Variants in PLPPR3 observed in about 807,000 individuals in gnomAD.
PLPPR3 encodes phospholipid phosphatase-related protein type 3.
In PLPPR3, 14 loss-of-function variants were observed where a neutral mutation model predicts 27.3. The observed-to-expected ratio is 0.51, with a 90% CI of 0.34 to 0.80. The LOEUF (loss-of-function observed/expected upper bound fraction) is 0.80, where lower values mean the gene tolerates loss of function less well. Among genes scored for constraint, PLPPR3 ranks in the 30% least tolerant of loss-of-function variants. PLPPR3 has a pLI of 0.01. For missense variants in PLPPR3, 1,287 were observed against 1,056.9 expected (o/e 1.22, Z -3.02); for synonymous variants, 671 against 508.0 (o/e 1.32, Z -4.32).
At chr19:819,936 G>A (rs561146129) in intron 2 of PLPPR3, among the ~76,000 whole-genome samples, 22 of 152,036 alleles carry the variant, frequency 1.4e-4, no homozygotes, top group African/African-American at 4.1e-4. Flanking sequence ...CCGCCACCTG[G>A]GCTCAAGTCA....
Position 813,721 on chromosome 19 carries a change from G to C in PLPPR3, c.1006C>G (p.Pro336Ala). 1 of 1,525,958 alleles carries C rather than the reference G, an allele frequency of 6.6e-7. No individual in the cohort carries two copies. The highest frequency in any genetic ancestry group is 8.8e-7 in the Non-Finnish European group (1 of 1,142,326). 94.5% of individuals were successfully genotyped at this position (1,525,958 alleles called of 1,614,324 possible). A position where few individuals can be genotyped will look rare whatever the true frequency, so the allele number is the denominator to read the frequency against. ...GTCTTCTCGCGGGCCACGGGCCGGG[G>C]CGCGCCCTCCAGCCGCCCTGGGGGC... ...LGPPGRLEGA[P>A]RPVAREKTSL... The change falls in exon 8 of 8, where the codon CCC (proline) becomes GCC (alanine). Residue 336 changes from proline (P) to alanine (A), a missense_variant. Transcript: ENST00000520876. The surrounding 1 kb of genome is among the most constrained non-coding windows in gnomAD (Gnocchi z 4.1).
rs370868606 is a variant in PLPPR3 at position 815,100 on chromosome 19, G to A, written c.404-19C>T. On this transcript the variant is annotated intron_variant, in intron 4 of 7. Coordinates refer to ENST00000520876, the MANE Select transcript of PLPPR3 (RefSeq NM_001270366.2). ...TGGACACCTGCAGGGCGGAAGGCTC[G>A]GCCAGGCGGGGAGCTGGGGACCCGG... 1.0e-5 allele frequency: 16 copies of A among 1,601,494 alleles called. No homozygotes were observed. The highest frequency in any genetic ancestry group is 2.2e-5 in the South Asian group (2 of 90,944).
In PLPPR3 at chr19:812,648, CA is replaced by C; in HGVS notation, c.2078del (p.Leu693ArgfsTer49). Reference protein sequence around the residue: ...ESTLRRHAGGLGLAEREAEAE... With the variant: ...ESTLRRHAGGXGLAEREAEAE... ...CCTCCGCCTCGCGCTCCGCCAGCCC[CA>C]GGCCGCCCGCGTGGCGCCGCAGCGT... On this transcript the variant is annotated frameshift_variant, in exon 8 of 8. Transcript: ENST00000520876. LOFTEE classifies it low-confidence loss of function (END_TRUNC). 9.2e-7 allele frequency: 1 copy of C among 1,086,060 alleles called. No individual in the cohort carries two copies. Among genetic ancestry groups the C allele is most frequent in the Non-Finnish European group, 1.1e-6 (1 of 889,288 alleles). The allele number at this position is 1,086,060 out of a possible 1,614,324, so 67.3% of individuals were successfully genotyped here. A position where few individuals can be genotyped will look rare whatever the true frequency, so the allele number is the denominator to read the frequency against.
intron 2 of PLPPR3, among the ~76,000 whole-genome samples, chr19:819,510 G>C (rs915324111): frequency 2.7e-5 from 4 of 150,474 alleles, no homozygotes; most frequent in African/African-American, 9.8e-5. Flanking sequence ...GGCTGGTCTC[G>C]AACTCCTGAC....
At position 815,277 on chromosome 19, in the gene PLPPR3, G is replaced by T. The variant is rs1417468507; in HGVS notation, c.312C>A (p.Gly104=). 6.4e-7 allele frequency: 1 copy of T among 1,555,342 alleles called. No homozygotes were observed. Among genetic ancestry groups the T allele is most frequent in the East Asian group, 2.4e-5 (1 of 41,166 alleles). Residue 104 remains glycine, a synonymous_variant, in exon 4 of 8, where the codon GGC becomes GGA. Transcript: ENST00000520876. ...CCGCCCCGGCGGGCCCCCCGGCACG[G>T]CCCCACAGCCGGGACTGCAGACAGT... ...MLYCLQSRLW[G]RAGGPAGAEG... is the part of the protein sequence containing the mutation.
intron 3 of PLPPR3, 44 bp from the exon 4 acceptor site, chr19:815,371 A>AG (rs2035035488): frequency 1.3e-6 from 2 of 1,501,510 alleles, no homozygotes; most frequent in Non-Finnish European, 1.8e-6. Context: ...GCCCACAGGG[A>AG]GGGGGCGCTC....
Position 812,541 on chromosome 19 carries a change from G to GCCCC in PLPPR3, c.*25_*28dup. The GCCCC allele has an allele frequency of 1.6e-6, 1 of 617,396 alleles. No homozygotes were observed. Among genetic ancestry groups the GCCCC allele is most frequent in the Non-Finnish European group, 2.0e-6 (1 of 496,530 alleles). The allele number at this position is 617,396 out of a possible 1,614,324, so 38.2% of individuals were successfully genotyped here. A position where few individuals can be genotyped will look rare whatever the true frequency, so the allele number is the denominator to read the frequency against. On this transcript the variant is annotated 3_prime_UTR_variant, in exon 8 of 8. Coordinates refer to ENST00000520876, the MANE Select transcript of PLPPR3 (RefSeq NM_001270366.2). ...GCGCGGCCGCCCGCGCCCTCGGCCCGCCCCCCGCCCGCCCCCGGCCCCGCC... is the reference window on the plus strand; with the variant it reads ...GCGCGGCCGCCCGCGCCCTCGGCCCGCCCCCCCCCCGCCCGCCCCCGGCCCCGCC...
At chr19:814,314 C>T in intron 7 of PLPPR3, 120 bp downstream of exon 7, 1 of 991,138 alleles carries the variant, frequency 1.0e-6, no homozygotes, top group Non-Finnish European at 1.5e-6. Context: ...ACCCCCTGAG[C>T]CTGCCTCCCA....
At chr19:814,153 G>A (rs993604105) in intron 7 of PLPPR3, among the ~76,000 whole-genome samples, 6 of 150,272 alleles carry the variant, frequency 4.0e-5, no homozygotes, top group African/African-American at 1.2e-4. Context: ...CGGGACCCAC[G>A]TCTATCCCCT....
intron 3 of PLPPR3, 43 bp downstream of exon 3, chr19:815,623 G>A (rs530582934): frequency 7.2e-6 from 11 of 1,525,094 alleles, no homozygotes; most frequent in East Asian, 2.5e-5. Context: ...GCTCCCAGCC[G>A]TGGTGCCCAC....
chr19:812,709 G>T lies in PLPPR3; in HGVS notation c.2018C>A (p.Ala673Asp). ...TGEGLPPLGA[A>D]DGALGPGSRE... ...GCTGCCCGGGCCCAGCGCCCCATCG[G>T]CCGCGCCCAGCGGGGGCAGCCCCTC... Residue 673 changes from alanine to aspartate, a missense_variant, in exon 8 of 8, where the codon GCC becomes GAC. Transcript: ENST00000520876. 9.5e-7 allele frequency: 1 copy of T among 1,054,282 alleles called. No individual in the cohort carries two copies. The highest frequency in any genetic ancestry group is 1.1e-6 in the Non-Finnish European group (1 of 873,840). 65.3% of individuals were successfully genotyped at this position (1,054,282 alleles called of 1,614,324 possible). A position where few individuals can be genotyped will look rare whatever the true frequency, so the allele number is the denominator to read the frequency against.
chr19:814,422 C>A lies in PLPPR3; in HGVS notation c.831+12G>T. 1.9e-6 allele frequency: 3 copies of A among 1,590,822 alleles called. No individual in the cohort carries two copies. Among genetic ancestry groups the A allele is most frequent in the Non-Finnish European group, 1.7e-6 (2 of 1,170,776 alleles). On this transcript the variant is annotated intron_variant, in intron 7 of 7. Transcript: ENST00000520876. ...GAACCCATGCCGACCCCCATCAGAACCTGCCACTCACCAGGTAGGCAGCGA... is the reference window on the plus strand; with the variant it reads ...GAACCCATGCCGACCCCCATCAGAAACTGCCACTCACCAGGTAGGCAGCGA...
rs925828412 is a variant in PLPPR3, at chr19:812,968, C to G, written c.1759G>C (p.Ala587Pro). ...AGGTGCACCACGGGGTGGTGCGGCGCGTGCGCGTCGATGGTCACGATGCTG... is the reference window on the plus strand; with the variant it reads ...AGGTGCACCACGGGGTGGTGCGGCGGGTGCGCGTCGATGGTCACGATGCTG... ...SASIVTIDAH[A>P]PHHPVVHLSA... Residue 587 changes from alanine to proline, a missense_variant, in exon 8 of 8, where the codon GCG (alanine) becomes CCG (proline). By Grantham distance (27) the Ala-to-Pro change is conservative. Transcript: ENST00000520876. The G allele has an allele frequency of 4.0e-5, 59 of 1,477,066 alleles. No individual in the cohort carries two copies. Among genetic ancestry groups the G allele is most frequent in the Middle Eastern group, 1.8e-4 (1 of 5,490 alleles). The allele number at this position is 1,477,066 out of a possible 1,614,324, so 91.5% of individuals were successfully genotyped here. A position where few individuals can be genotyped will look rare whatever the true frequency, so the allele number is the denominator to read the frequency against.
chr19:822,642 C>T (rs1164636684), upstream of PLPPR3, among the ~76,000 whole-genome samples: 1 of 152,144 alleles, frequency 6.6e-6, no homozygotes, highest in Non-Finnish European at 1.5e-5. Context: ...CTGCGGGATG[C>T]GGGCAGGGCC....
In PLPPR3 at chr19:813,802, G is replaced by T; in HGVS notation, c.925C>A (p.Arg309=). ...TGCTGATAAACCGAGTCGTGGCCCC[G>T]CTGCGTCAGGGCCCGCAGCGCGTCC... is the stretch of plus-strand genomic sequence containing the variant. ...AKDALRALTQ[R]GHDSVYQQNK... is the part of the protein sequence containing the mutation. The change falls in exon 8 of 8, where the codon CGG becomes AGG. Residue 309 remains arginine, a synonymous_variant. Coordinates refer to ENST00000520876, the MANE Select transcript of PLPPR3 (RefSeq NM_001270366.2). The surrounding 1 kb of genome is among the most constrained non-coding windows in gnomAD (Gnocchi z 4.1). 6.6e-7 allele frequency: 1 copy of T among 1,520,442 alleles called. No individual in the cohort carries two copies. The highest frequency in any genetic ancestry group is 8.8e-7 in the Non-Finnish European group (1 of 1,139,862). The allele number at this position is 1,520,442 out of a possible 1,614,324, so 94.2% of individuals were successfully genotyped here. A position where few individuals can be genotyped will look rare whatever the true frequency, so the allele number is the denominator to read the frequency against.
At chr19:817,591 T>G (rs10416894) in intron 2 of PLPPR3, among the ~76,000 whole-genome samples, 3,165 of 152,230 alleles carry the variant, frequency 0.021, 107 homozygotes, top group African/African-American at 0.073. Context: ...CAGTCGTAAT[T>G]TCTGCCTTGT....
intron 2 of PLPPR3, 143 bp downstream of exon 2, chr19:821,342 C>A: frequency 1.7e-6 from 1 of 581,116 alleles, no homozygotes; most frequent in Non-Finnish European, 2.8e-6. Context: ...CCCCACCCCC[C>A]ATCCGCCGGA....
Position 814,450 on chromosome 19 carries a change from C to T in PLPPR3, c.815G>A (p.Gly272Asp). ...GCCACTCACCAGGTAGGCAGCGATG[C>T]CCGCCCCGATGAGGAAGCCGGCATA... ...DVYAGFLIGA[G>D]IAAYLACHAV... Residue 272 changes from glycine (G) to aspartate (D), a missense_variant, in exon 7 of 8, where the codon GGC becomes GAC. By Grantham distance (94) the Gly-to-Asp change is moderately conservative (BLOSUM62 -1). Coordinates refer to ENST00000520876, the MANE Select transcript of PLPPR3 (RefSeq NM_001270366.2). The T allele has an allele frequency of 6.2e-7, 1 of 1,603,494 alleles. No individual in the cohort carries two copies. The highest frequency in any genetic ancestry group is 1.1e-5 in the South Asian group (1 of 90,838).
intron 2 of PLPPR3, among the ~76,000 whole-genome samples, chr19:819,870 C>G (rs142388057): frequency 6.6e-6 from 1 of 152,278 alleles, no homozygotes; most frequent in African/African-American, 2.4e-5. Flanking sequence ...GAGATGGGGT[C>G]TGGCTCTGTC....
Sources: gnomAD v4.1 joint callset for allele counts (sites outside exome capture counted in the v4.1 genomes callset) on GRCh38, gnomAD v4.1.1 for gene constraint, Gnocchi (gnomAD v3.1) non-coding constraint, MANE v1.5 for transcripts, NCBI Gene and HGNC (gene_info 2026-07-23, HGNC 2026-07-21) for gene names.